The following TSPAN5 variants were observed in gnomAD, a reference collection of about 807,000 sequenced individuals.
TSPAN5 encodes tetraspanin-5.
TSPAN5 carries 10 observed loss-of-function variants against 37.1 expected under a neutral mutation model. The ratio of observed to expected loss-of-function variants is 0.27; its 90% CI spans 0.17 to 0.46. TSPAN5 has a LOEUF of 0.46. Ranked by LOEUF, TSPAN5 falls within the 20% of genes least tolerant of loss-of-function variation. The probability of loss-of-function intolerance (pLI) is 1.00; values close to 1 mark genes in which losing one functional copy is unlikely to be tolerated. For synonymous variants in TSPAN5, 110 were observed against 118.9 expected (o/e 0.93, Z 0.48); for missense variants, 195 against 326.6 (o/e 0.60, Z 3.11).
chr4:98,602,681 T>G (rs1489119334), intron 1 of TSPAN5, among the ~76,000 whole-genome samples: 1 of 152,124 alleles, frequency 6.6e-6, no homozygotes, highest in Non-Finnish European at 1.5e-5. Context: ...TCCCCTACAA[T>G]CAACGCTTTT....
intron 1 of TSPAN5, among the ~76,000 whole-genome samples, chr4:98,642,601 T>G (rs985061738): frequency 6.6e-6 from 1 of 152,172 alleles, no homozygotes; most frequent in African/African-American, 2.4e-5. Flanking sequence ...CTCTTTTTTT[T>G]TCTCCAAAGA....
At chr4:98,526,264 A>C (rs1170199458) in intron 1 of TSPAN5, among the ~76,000 whole-genome samples, 2 of 152,210 alleles carry the variant, frequency 1.3e-5, no homozygotes, top group African/African-American at 4.8e-5. Context: ...CCAGAATACC[A>C]ATCTCAACCT....
In TSPAN5 at chr4:98,639,782, C is replaced by T. The variant is rs548087165; in HGVS notation, c.81+18364G>A. ...AAACTTATCTATGTTTAGAAATGCA[C>T]GAGAAATCAAGAAATGAATGACTAG... On this transcript the variant is annotated intron_variant, in intron 1 of 7. Transcript: ENST00000305798. Among the ~76,000 whole-genome samples, 48 of 152,238 alleles carry T rather than the reference C, an allele frequency of 3.2e-4. No homozygotes were observed. In the Middle Eastern group the frequency reaches 0.02, roughly 65 times the overall value.
chr4:98,558,623 G>A (rs1578991895), intron 1 of TSPAN5, among the ~76,000 whole-genome samples: 1 of 152,286 alleles, frequency 6.6e-6, no homozygotes, highest in East Asian at 1.9e-4. Flanking sequence ...TGCCTTGAAA[G>A]CTTTCTATTA....
At chr4:98,589,571 T>A (rs1450904474) in intron 1 of TSPAN5, among the ~76,000 whole-genome samples, 2 of 152,216 alleles carry the variant, frequency 1.3e-5, no homozygotes, top group East Asian at 3.8e-4. Flanking sequence ...TTAGCAGGAT[T>A]CTTTACATTA....
intron 1 of TSPAN5, among the ~76,000 whole-genome samples, chr4:98,600,484 G>A (rs1251501216): frequency 6.6e-6 from 1 of 152,142 alleles, no homozygotes; most frequent in African/African-American, 2.4e-5. Flanking sequence ...ATCCTTTGCT[G>A]TCGTTTCAAC....
At chr4:98,508,764 A>G (rs1226563146) in intron 1 of TSPAN5, among the ~76,000 whole-genome samples, 2 of 151,682 alleles carry the variant, frequency 1.3e-5, no homozygotes, top group Non-Finnish European at 2.9e-5. Context: ...GGCTCAAGCA[A>G]TCCTCCCGCC....
At chr4:98,624,192 T>C (rs1250013515) in intron 1 of TSPAN5, among the ~76,000 whole-genome samples, 2 of 152,074 alleles carry the variant, frequency 1.3e-5, no homozygotes, top group African/African-American at 2.4e-5. Flanking sequence ...TTACCATCCC[T>C]GTTTTACAGA....
intron 1 of TSPAN5, among the ~76,000 whole-genome samples, chr4:98,651,014 C>T (rs1328206051): frequency 6.6e-6 from 1 of 152,114 alleles, no homozygotes; most frequent in African/African-American, 2.4e-5. Context: ...GAGGAATAGG[C>T]TATTTACATG....
Position 98,471,592 on chromosome 4 carries a change from G to A in TSPAN5, c.*930C>T, listed in dbSNP as rs1277732760. Reference sequence around the variant, plus strand: ...AATCAAAAATTAATGCTTGAGCTGAGTAAGAAAACACTAAAATTTAAGTGG... The same window carrying A: ...AATCAAAAATTAATGCTTGAGCTGAATAAGAAAACACTAAAATTTAAGTGG... On this transcript the variant is annotated 3_prime_UTR_variant, in exon 8 of 8. Coordinates refer to ENST00000305798, the MANE Select transcript of TSPAN5 (RefSeq NM_005723.4). The A allele has an allele frequency of 6.6e-6, 1 of 152,216 alleles. No individual in the cohort carries two copies. Among genetic ancestry groups the A allele is most frequent in the Admixed American group, 6.5e-5 (1 of 15,284 alleles). The allele number at this position is 152,216 out of a possible 1,614,324, so 9.4% of individuals were successfully genotyped here.
intron 2 of TSPAN5, among the ~76,000 whole-genome samples, chr4:98,498,583 C>T (rs752441253): frequency 1.3e-5 from 2 of 152,108 alleles, no homozygotes; most frequent in Non-Finnish European, 2.9e-5. Flanking sequence ...CAAAAGGGGT[C>T]AGAGGAGGAC....
At chr4:98,483,827 T>C (rs187340717) in intron 3 of TSPAN5, 1 of 152,470 alleles carries the variant, frequency 6.6e-6, no homozygotes. Flanking sequence ...ATAATTTCAA[T>C]TTAAACTTTC....
intron 1 of TSPAN5, among the ~76,000 whole-genome samples, chr4:98,635,065 C>T (rs1306542091): frequency 6.6e-6 from 1 of 152,226 alleles, no homozygotes; most frequent in Non-Finnish European, 1.5e-5. Context: ...CCATTCGCCC[C>T]AGTCTCCACC....
chr4:98,581,078 T>C (rs1443600836), intron 1 of TSPAN5, among the ~76,000 whole-genome samples: 1 of 152,212 alleles, frequency 6.6e-6, no homozygotes, highest in East Asian at 1.9e-4. Context: ...GAACAATCTG[T>C]TGGCACTGAG....
chr4:98,565,655 T>C (rs1296773768), intron 1 of TSPAN5, among the ~76,000 whole-genome samples: 1 of 152,210 alleles, frequency 6.6e-6, no homozygotes, highest in Non-Finnish European at 1.5e-5. Flanking sequence ...AGGAGTTATA[T>C]ATACTTGTTA....
At chr4:98,615,693 T>C (rs1211260839) in intron 1 of TSPAN5, among the ~76,000 whole-genome samples, 1 of 152,186 alleles carries the variant, frequency 6.6e-6, no homozygotes, top group African/African-American at 2.4e-5. Flanking sequence ...TGGTAATGTA[T>C]GCCTGTAATC....
At chr4:98,535,983 C>T (rs1014494532) in intron 1 of TSPAN5, among the ~76,000 whole-genome samples, 4 of 152,204 alleles carry the variant, frequency 2.6e-5, no homozygotes, top group Middle Eastern at 6.8e-3. Flanking sequence ...AGAGCATGCT[C>T]GTTTAGCTCA....
chr4:98,549,972 G>A (rs1378070063), intron 1 of TSPAN5, among the ~76,000 whole-genome samples: 1 of 152,042 alleles, frequency 6.6e-6, no homozygotes, highest in African/African-American at 2.4e-5. Flanking sequence ...CTGGGCCAAT[G>A]TCCAGAAGAG....
intron 1 of TSPAN5, among the ~76,000 whole-genome samples, chr4:98,562,212 A>C (rs1754895654): frequency 6.6e-6 from 1 of 152,244 alleles, no homozygotes; most frequent in Admixed American, 6.5e-5. Context: ...CAGTAAGGCC[A>C]GATTTGTGTT....
Sources: allele counts gnomAD v4.1 joint callset (sites outside exome capture counted in the v4.1 genomes callset), GRCh38; gene constraint gnomAD v4.1.1; transcripts MANE v1.5; gene names NCBI Gene and HGNC (gene_info 2026-07-23, HGNC 2026-07-21).